The following SHISA6 variants were observed in gnomAD, a reference collection of about 807,000 sequenced individuals.
SHISA6 encodes shisa family member 6, also known as protein shisa-6.
Under a neutral mutation model 47.9 loss-of-function variants are expected in SHISA6, and 22 were observed. That is an observed-to-expected ratio of 0.46 (90% CI 0.33 to 0.66). The LOEUF (loss-of-function observed/expected upper bound fraction) is 0.66. Among genes scored for constraint, SHISA6 ranks in the 30% least tolerant of loss-of-function variants. The pLI, the probability that SHISA6 is intolerant of heterozygous loss-of-function variation, is 0.02. For missense variants in SHISA6, 680 were observed against 764.6 expected (o/e 0.89, Z 1.30); for synonymous variants, 388 against 337.8 (o/e 1.15, Z -1.63).
At chr17:11,242,267 G>A (rs1373502138) in intron 1 of SHISA6, among the ~76,000 whole-genome samples, 4 of 152,218 alleles carry the variant, frequency 2.6e-5, no homozygotes, top group Non-Finnish European at 5.9e-5. Context: ...TGCTTTGGTG[G>A]TAGGGGGATT....
At chr17:11,536,954 C>G (rs566961486) in intron 3 of SHISA6, among the ~76,000 whole-genome samples, 2 of 152,306 alleles carry the variant, frequency 1.3e-5, no homozygotes, top group African/African-American at 4.8e-5. Flanking sequence ...CAGGCTCACA[C>G]GAGCCAAAGC....
rs149440463 is a variant in SHISA6, at chr17:11,249,354, G to A, written c.638+7294G>A. Among the ~76,000 whole-genome samples, 653 of 151,964 alleles carry A rather than the reference G, an allele frequency of 4.3e-3. 2 individuals are homozygous for A. Among genetic ancestry groups the A allele is most frequent in the Non-Finnish European group, 6.1e-3 (415 of 67,986 alleles). ...TGTGTATATGTGTGTGTGATTTCAG[G>A]GTTATCTTCTGGGTTGGCCCCCTGC... On this transcript the variant is annotated intron_variant, in intron 1 of 5. Coordinates refer to ENST00000441885, the MANE Select transcript of SHISA6 (RefSeq NM_207386.4).
At chr17:11,383,885 AG>A (rs1226871752) in intron 3 of SHISA6, among the ~76,000 whole-genome samples, 5 of 152,154 alleles carry the variant, frequency 3.3e-5, no homozygotes, top group African/African-American at 1.2e-4. Flanking sequence ...AAGATCACTC[AG>A]CCCCCAACAC....
Position 11,309,256 on chromosome 17 carries a change from C to T in SHISA6, c.799+45730C>T, listed in dbSNP as rs79951016. 2.1e-3 allele frequency among the ~76,000 whole-genome samples: 315 copies of T among 152,350 alleles called. 2 individuals are homozygous for T. Among genetic ancestry groups the T allele is most frequent in the South Asian group, 4.4e-3 (21 of 4,824 alleles). On this transcript the variant is annotated intron_variant, in intron 2 of 5. Transcript: ENST00000441885. ...CTGGAATTACAGGCTCAAGCCAACA[C>T]GCCCCACTCCACATGAAGCAAGTGT... is the stretch of plus-strand genomic sequence containing the variant.
chr17:11,302,555 G>A (rs1909967143), intron 2 of SHISA6, among the ~76,000 whole-genome samples: 1 of 152,220 alleles, frequency 6.6e-6, no homozygotes. Context: ...AAACAGGCAA[G>A]CATTTCCTTG....
chr17:11,458,463 G>A (rs1356437219), intron 3 of SHISA6, among the ~76,000 whole-genome samples: 2 of 152,174 alleles, frequency 1.3e-5, no homozygotes, highest in Non-Finnish European at 1.5e-5. Flanking sequence ...GCCGAAGAAG[G>A]AGTGATGATT....
chr17:11,351,048 A>G (rs1415267054), intron 2 of SHISA6, among the ~76,000 whole-genome samples: 1 of 152,118 alleles, frequency 6.6e-6, no homozygotes, highest in East Asian at 1.9e-4. Flanking sequence ...GGAACAGAAA[A>G]CCAAATGCCA....
intron 3 of SHISA6, among the ~76,000 whole-genome samples, chr17:11,410,560 G>A (rs1394446155): frequency 1.3e-5 from 2 of 152,172 alleles, no homozygotes; most frequent in Non-Finnish European, 2.9e-5. Flanking sequence ...TCCTTGTTAT[G>A]AAATTGGATC....
chr17:11,562,417 T>C lies in SHISA6; in HGVS notation c.*4113T>C, dbSNP rs953886841. 2.0e-5 allele frequency: 3 copies of C among 152,140 alleles called. No homozygotes were observed. Among genetic ancestry groups the C allele is most frequent in the African/African-American group, 7.2e-5 (3 of 41,444 alleles). 9.4% of individuals were successfully genotyped at this position (152,140 alleles called of 1,614,324 possible). A position where few individuals can be genotyped will look rare whatever the true frequency, so the allele number is the denominator to read the frequency against. ...TCATCCTGTCCGAATCTGGGAAATT[T>C]TGCTCTGGAGTATTTTCAAGAAAGC... On this transcript the variant is annotated 3_prime_UTR_variant, in exon 6 of 6. Coordinates refer to ENST00000441885, the MANE Select transcript of SHISA6 (RefSeq NM_207386.4).
At chr17:11,289,331 T>C (rs1038490848) in intron 2 of SHISA6, 1 of 152,020 alleles carries the variant, frequency 6.6e-6, no homozygotes, top group Non-Finnish European at 1.5e-5. Flanking sequence ...TAGTATTTTA[T>C]TAGAGTATGT....
At chr17:11,494,766 C>G (rs760084010) in intron 3 of SHISA6, among the ~76,000 whole-genome samples, 1 of 152,148 alleles carries the variant, frequency 6.6e-6, no homozygotes, top group Non-Finnish European at 1.5e-5. Flanking sequence ...TGGGTTAACC[C>G]GGTGACAGTG....
At chr17:11,411,996 A>G (rs978393367) in intron 3 of SHISA6, among the ~76,000 whole-genome samples, 1 of 152,126 alleles carries the variant, frequency 6.6e-6, no homozygotes, top group African/African-American at 2.4e-5. Flanking sequence ...TTTTCCCCCA[A>G]GGATATTTGG....
At chr17:11,334,679 A>G (rs1911258073) in intron 2 of SHISA6, among the ~76,000 whole-genome samples, 1 of 152,206 alleles carries the variant, frequency 6.6e-6, no homozygotes, top group Non-Finnish European at 1.5e-5. Context: ...ATCACCTGTG[A>G]CAAGACACTA....
chr17:11,263,105 CA>C (rs1908297146), intron 1 of SHISA6, among the ~76,000 whole-genome samples: 1 of 152,156 alleles, frequency 6.6e-6, no homozygotes, highest in African/African-American at 2.4e-5. Context: ...TGAAAGGGCT[CA>C]GAGTTTACTG....
At chr17:11,334,116 G>T (rs1021866301) in intron 2 of SHISA6, among the ~76,000 whole-genome samples, 7 of 152,266 alleles carry the variant, frequency 4.6e-5, no homozygotes, top group Admixed American at 3.9e-4. Context: ...GAAGATGGGG[G>T]TCATGGAAAT....
chr17:11,452,887 C>T (rs1915441586), intron 3 of SHISA6, among the ~76,000 whole-genome samples: 1 of 151,028 alleles, frequency 6.6e-6, no homozygotes, highest in African/African-American at 2.4e-5. Context: ...TCCCTTTCTC[C>T]TCTCCTCCTC....
chr17:11,421,529 C>T (rs748068202), intron 3 of SHISA6, among the ~76,000 whole-genome samples: 41 of 152,196 alleles, frequency 2.7e-4, no homozygotes, highest in Non-Finnish European at 4.7e-4. Context: ...CATTACCATT[C>T]GCTGTCTCCA....
intron 3 of SHISA6, among the ~76,000 whole-genome samples, chr17:11,486,415 A>G (rs1916351214): frequency 6.6e-6 from 1 of 152,234 alleles, no homozygotes; most frequent in African/African-American, 2.4e-5. Context: ...CAATGCTAGC[A>G]CAAGGCTTGG....
At chr17:11,398,986 A>G (rs1913673633) in intron 3 of SHISA6, among the ~76,000 whole-genome samples, 1 of 151,336 alleles carries the variant, frequency 6.6e-6, no homozygotes, top group South Asian at 2.1e-4. Flanking sequence ...TGTCTTGCTC[A>G]CCACAAGGAT....
Sources: gnomAD v4.1 joint callset for allele counts (sites outside exome capture counted in the v4.1 genomes callset) on GRCh38, gnomAD v4.1.1 for gene constraint, MANE v1.5 for transcripts, NCBI Gene and HGNC (gene_info 2026-07-23, HGNC 2026-07-21) for gene names.